AGBL4: variants seen among roughly 807,000 people sequenced by gnomAD.
AGBL4 encodes the protein cytosolic carboxypeptidase 6.
AGBL4 carries 58 observed loss-of-function variants against 66.4 expected under a neutral mutation model. That is an observed-to-expected ratio of 0.87 (90% CI 0.71 to 1.09). The LOEUF (loss-of-function observed/expected upper bound fraction) is 1.09, where lower values mean the gene tolerates loss of function less well. Ranked by LOEUF, AGBL4 falls within the 50% of genes least tolerant of loss-of-function variation. The pLI, the probability that AGBL4 is intolerant of heterozygous loss-of-function variation, is 0.00. For missense variants in AGBL4, 579 were observed against 631.0 expected (o/e 0.92, Z 0.88); for synonymous variants, 234 against 222.9 (o/e 1.05, Z -0.44).
chr1:49,937,177 A>C (rs966173724), intron 1 of AGBL4, among the ~76,000 whole-genome samples: 1 of 152,180 alleles, frequency 6.6e-6, no homozygotes, highest in African/African-American at 2.4e-5. Context: ...AAAAAAAGGC[A>C]AGGGTTGCAA....
chr1:49,006,869 C>T (rs1661880685), intron 5 of AGBL4, among the ~76,000 whole-genome samples: 1 of 142,430 alleles, frequency 7.0e-6, no homozygotes, highest in Non-Finnish European at 1.6e-5. Flanking sequence ...CACCAAAAAC[C>T]CATCTGTACA....
Position 49,732,320 on chromosome 1 carries a change from T to G in AGBL4, c.158-34883A>C, listed in dbSNP as rs538211520. On this transcript the variant is annotated intron_variant, in intron 2 of 13. Transcript: ENST00000371839. The stretch of plus-strand genomic sequence containing the variant: ...AAAATAAAAAAGGTCTAGCAGAAAC[T>G]GAAACCCAGAGAATAATTGAAAAGA... 1.6e-3 allele frequency among the ~76,000 whole-genome samples: 239 copies of G among 152,242 alleles called. 3 individuals are homozygous for G. The highest frequency in any genetic ancestry group is 2.4e-3 in the Non-Finnish European group (165 of 68,000).
intron 9 of AGBL4, 27 bp from the exon 10 acceptor site, chr1:48,591,012 G>A: frequency 6.3e-7 from 1 of 1,589,234 alleles, no homozygotes; most frequent in South Asian, 1.2e-5. Flanking sequence ...TAACAAATGA[G>A]AAGTCTGGGC....
At chr1:48,813,923 TG>T (rs1646116343) in intron 6 of AGBL4, among the ~76,000 whole-genome samples, 1 of 151,874 alleles carries the variant, frequency 6.6e-6, no homozygotes. Context: ...AGCTCAGTCA[TG>T]TTATGCACTG....
intron 3 of AGBL4, among the ~76,000 whole-genome samples, chr1:49,569,298 A>G (rs929016294): frequency 3.9e-5 from 6 of 152,148 alleles, no homozygotes; most frequent in Non-Finnish European, 8.8e-5. Context: ...AGAATGGGTA[A>G]AACCTACAAT....
intron 6 of AGBL4, among the ~76,000 whole-genome samples, chr1:48,663,619 T>C (rs1332700712): frequency 1.3e-5 from 2 of 152,186 alleles, no homozygotes; most frequent in South Asian, 2.1e-4. Context: ...TCCTTGTTTA[T>C]AGGTTATAAA....
intron 6 of AGBL4, among the ~76,000 whole-genome samples, chr1:48,766,156 A>G (rs1455206666): frequency 6.6e-6 from 1 of 152,200 alleles, no homozygotes; most frequent in Non-Finnish European, 1.5e-5. Context: ...ACCTCTATAA[A>G]GATCTTCATA....
chr1:49,572,777 A>G (rs1186006946), intron 3 of AGBL4, among the ~76,000 whole-genome samples: 1 of 152,208 alleles, frequency 6.6e-6, no homozygotes. Context: ...ATTGAAGGAT[A>G]CAAAGTATTA....
intron 5 of AGBL4, among the ~76,000 whole-genome samples, chr1:49,001,959 T>C (rs1390653539): frequency 1.3e-5 from 2 of 152,240 alleles, no homozygotes; most frequent in African/African-American, 4.8e-5. Flanking sequence ...TAAAGTAAGA[T>C]AATCGTCTTT....
intron 1 of AGBL4, among the ~76,000 whole-genome samples, chr1:50,007,222 C>T (rs937541148): frequency 1.4e-4 from 21 of 151,216 alleles, no homozygotes; most frequent in South Asian, 1.0e-3. Flanking sequence ...AACTATATGA[C>T]GTACACAAAA....
intron 3 of AGBL4, among the ~76,000 whole-genome samples, chr1:49,382,683 A>G (rs1359713108): frequency 6.6e-6 from 1 of 152,214 alleles, no homozygotes; most frequent in Admixed American, 6.5e-5. Context: ...AAGAAAAAGT[A>G]AAATAAAAGG....
At chr1:49,776,106 G>A (rs1200353299) in intron 2 of AGBL4, among the ~76,000 whole-genome samples, 2 of 152,124 alleles carry the variant, frequency 1.3e-5, no homozygotes, top group African/African-American at 4.8e-5. Context: ...TATACGTATT[G>A]TAGCTACAAA....
intron 3 of AGBL4, among the ~76,000 whole-genome samples, chr1:49,658,117 C>T (rs577017242): frequency 3.9e-5 from 6 of 152,072 alleles, no homozygotes; most frequent in Middle Eastern, 3.4e-3. Flanking sequence ...ATCTGACAAA[C>T]GGCTAATCTC....
chr1:49,937,856 A>G (rs1336942915), intron 1 of AGBL4, among the ~76,000 whole-genome samples: 1 of 151,896 alleles, frequency 6.6e-6, no homozygotes, highest in Non-Finnish European at 1.5e-5. Flanking sequence ...TAGAGGGATT[A>G]TACATTTATA....
At chr1:48,852,230 T>C (rs963311570) in intron 6 of AGBL4, among the ~76,000 whole-genome samples, 2 of 152,180 alleles carry the variant, frequency 1.3e-5, no homozygotes, top group African/African-American at 4.8e-5. Context: ...CACTGCATTT[T>C]AGACTTTCTT....
intron 3 of AGBL4, among the ~76,000 whole-genome samples, chr1:49,302,104 A>G (rs1461481767): frequency 2.6e-5 from 4 of 151,318 alleles, no homozygotes; most frequent in Admixed American, 2.6e-4. Context: ...CTCTCCCCCA[A>G]CCCTTTTTTG....
chr1:49,249,383 C>T (rs547057201), intron 3 of AGBL4, among the ~76,000 whole-genome samples: 28 of 150,460 alleles, frequency 1.9e-4, no homozygotes, highest in South Asian at 1.3e-3. Flanking sequence ...CAATAGCAAA[C>T]AAAAAAAATT....
intron 4 of AGBL4, among the ~76,000 whole-genome samples, chr1:49,103,428 T>C (rs1192110523): frequency 6.6e-6 from 1 of 152,066 alleles, no homozygotes; most frequent in Non-Finnish European, 1.5e-5. Flanking sequence ...AAAGTGAAAA[T>C]TTAGAATGTT....
intron 3 of AGBL4, among the ~76,000 whole-genome samples, chr1:49,570,562 ATTT>A (rs1377739104): frequency 6.6e-6 from 1 of 151,634 alleles, no homozygotes; most frequent in Non-Finnish European, 1.5e-5. Flanking sequence ...TTGATTATTT[ATTT>A]TGCTGTGCAG....
Sources: gnomAD v4.1 joint callset for allele counts (sites outside exome capture counted in the v4.1 genomes callset) on GRCh38, gnomAD v4.1.1 for gene constraint, MANE v1.5 for transcripts, NCBI Gene and HGNC (gene_info 2026-07-23, HGNC 2026-07-21) for gene names.